LGR6: variants seen among roughly 807,000 people sequenced by gnomAD.
LGR6 encodes the protein leucine rich repeat containing G protein-coupled receptor 6.
In LGR6, 45 loss-of-function variants were observed where a neutral mutation model predicts 69.4. The observed-to-expected ratio is 0.65, with a 90% CI of 0.51 to 0.83. The LOEUF is 0.83. Ranked by LOEUF, LGR6 falls within the 40% of genes least tolerant of loss-of-function variation. The pLI is 0.00. For synonymous variants in LGR6, 538 were observed against 555.0 expected, an observed-to-expected ratio of 0.97 and a Z score of 0.43; for missense variants, 1,108 against 1,246.7, an observed-to-expected ratio of 0.89 and a Z score of 1.68.
intron 1 of LGR6, among the ~76,000 whole-genome samples, chr1:202,200,020 C>T (rs138753805): frequency 0.011 from 1,656 of 152,342 alleles, 38 homozygotes; most frequent in African/African-American, 0.038. Flanking sequence ...ATGGCAGAGT[C>T]TCATCTTCTG....
intron 15 of LGR6, 83 bp from the exon 16 acceptor site, chr1:202,310,114 G>A: frequency 1.4e-6 from 2 of 1,416,482 alleles, no homozygotes; most frequent in Non-Finnish European, 2.0e-6. Context: ...CCAGCCCCTG[G>A]GTTGCAGATC....
At chr1:202,297,676 T>C in intron 7 of LGR6, 100 bp downstream of exon 7, 1 of 914,184 alleles carries the variant, frequency 1.1e-6, no homozygotes, top group Non-Finnish European at 1.7e-6. Flanking sequence ...TCACCTCCCA[T>C]GGTCCTTATA....
chr1:202,260,508 A>AT (rs1156311931), intron 4 of LGR6, among the ~76,000 whole-genome samples: 1 of 152,008 alleles, frequency 6.6e-6, no homozygotes, highest in African/African-American at 2.4e-5. Context: ...TAATTTTTGT[A>AT]TTTTTAGTAG....
At chr1:202,214,037 G>C in intron 1 of LGR6, 3 of 1,347,186 alleles carry the variant, frequency 2.2e-6, no homozygotes, top group Non-Finnish European at 2.8e-6. Flanking sequence ...GGGCAGATGG[G>C]TGGGGCGCTA....
At chr1:202,277,305 T>G (rs1426801742) in intron 5 of LGR6, among the ~76,000 whole-genome samples, 1 of 152,194 alleles carries the variant, frequency 6.6e-6, no homozygotes, top group Non-Finnish European at 1.5e-5. Context: ...GAATGGATGA[T>G]ACCTAGTTCC....
chr1:202,318,401 G>T lies in LGR6; in HGVS notation c.2098G>T (p.Ala700Ser). 6.2e-7 allele frequency: 1 copy of T among 1,604,820 alleles called. No homozygotes were observed. The highest frequency in any genetic ancestry group is 1.3e-5 in the African/African-American group (1 of 74,996). Residue 700 changes from alanine to serine, a missense_variant, in exon 18 of 18, where the codon GCC becomes TCC. Ala to Ser is a moderately conservative substitution (Grantham distance 99). Transcript: ENST00000367278. Reference sequence around the variant, plus strand: ...AGGCTGCCTGGCACTGGCAGGGCTGGCCGCCGCGCTGCCCCTGGCCTCAGT... The same window carrying T: ...AGGCTGCCTGGCACTGGCAGGGCTGTCCGCCGCGCTGCCCCTGGCCTCAGT... ...VLGCLALAGLAAALPLASVGE... is the reference protein window; with the variant it reads ...VLGCLALAGLSAALPLASVGE...
rs1481029959 is a variant in LGR6 at position 202,193,954 on chromosome 1, C to G, written c.-36C>G. On this transcript the variant is annotated 5_prime_UTR_variant, in exon 1 of 18. Coordinates refer to ENST00000367278, the MANE Select transcript of LGR6 (RefSeq NM_001017403.2). ...CGGCCATCGCGCCGTGCGTCCGCGC[C>G]CGGCCGCCAGGTGCCCCAGTAGCCC... is the stretch of plus-strand genomic sequence containing the variant. The G allele has an allele frequency of 5.4e-5, 68 of 1,268,234 alleles. No individual in the cohort carries two copies. The highest frequency in any genetic ancestry group is 6.7e-5 in the Non-Finnish European group (67 of 1,000,448). 78.6% of individuals were successfully genotyped at this position (1,268,234 alleles called of 1,614,324 possible).
At chr1:202,200,940 C>T (rs967171820) in intron 1 of LGR6, among the ~76,000 whole-genome samples, 4 of 152,198 alleles carry the variant, frequency 2.6e-5, no homozygotes, top group Admixed American at 2.0e-4. Context: ...GAGCTGGGCC[C>T]GGCTACTTAA....
intron 1 of LGR6, among the ~76,000 whole-genome samples, chr1:202,196,185 A>G (rs546121435): frequency 6.6e-6 from 1 of 152,114 alleles, no homozygotes; most frequent in African/African-American, 2.4e-5. Flanking sequence ...TATTGGAAGG[A>G]GGTGGCAGAG....
intron 10 of LGR6, among the ~76,000 whole-genome samples, chr1:202,304,278 G>A (rs1253881631): frequency 6.6e-6 from 1 of 152,152 alleles, no homozygotes; most frequent in Non-Finnish European, 1.5e-5. Flanking sequence ...CATGGGGTGG[G>A]GATGGGATGG....
chr1:202,278,485 G>A (rs973550804), intron 5 of LGR6, among the ~76,000 whole-genome samples: 3 of 152,246 alleles, frequency 2.0e-5, no homozygotes, highest in East Asian at 1.9e-4. Context: ...CTACTGGTGC[G>A]GGAGCAAAGC....
At chr1:202,229,356 C>G (rs1281597853) in intron 3 of LGR6, among the ~76,000 whole-genome samples, 1 of 152,216 alleles carries the variant, frequency 6.6e-6, no homozygotes, top group Admixed American at 6.5e-5. Context: ...TTCCTGTCTC[C>G]TCTCTGTGTC....
chr1:202,297,612 T>C, intron 7 of LGR6, 36 bp downstream of exon 7: 1 of 1,579,300 alleles, frequency 6.3e-7, no homozygotes, highest in South Asian at 1.1e-5. Flanking sequence ...GGTGTCCTTC[T>C]GTCCCAAGGG....
intron 1 of LGR6, chr1:202,214,317 G>T: frequency 2.2e-6 from 3 of 1,366,176 alleles, no homozygotes; most frequent in South Asian, 1.5e-5. Context: ...CCCAGAAACC[G>T]ACGCGACGGG....
At chr1:202,315,613 G>GA (rs35232811) in intron 17 of LGR6, among the ~76,000 whole-genome samples, 86,106 of 152,090 alleles carry the variant, frequency 0.57, 25,666 homozygotes, top group East Asian at 0.75. Context: ...AGAATGAACA[G>GA]AAGTGATGAA....
intron 4 of LGR6, among the ~76,000 whole-genome samples, chr1:202,251,501 G>T (rs1012104837): frequency 2.0e-5 from 3 of 152,190 alleles, no homozygotes; most frequent in Admixed American, 6.5e-5. Context: ...GTTGGGGTAT[G>T]GGGGGCAGGA....
intron 1 of LGR6, among the ~76,000 whole-genome samples, chr1:202,195,199 C>G (rs1416837725): frequency 2.6e-5 from 4 of 152,186 alleles, no homozygotes; most frequent in Non-Finnish European, 5.9e-5. Flanking sequence ...CTGCTGAGGG[C>G]TAGGATCCCA....
chr1:202,249,813 G>A (rs1174541629), intron 4 of LGR6, among the ~76,000 whole-genome samples: 2 of 152,038 alleles, frequency 1.3e-5, no homozygotes, highest in Non-Finnish European at 2.9e-5. Context: ...TCACTTGCCT[G>A]GGCTGCTGTA....
At chr1:202,309,237 G>C in intron 15 of LGR6, 61 bp downstream of exon 15, 1 of 1,591,428 alleles carries the variant, frequency 6.3e-7, no homozygotes, top group Non-Finnish European at 8.6e-7. Context: ...GAGGGACAGA[G>C]AGAAAGCCAG....
Sources: gnomAD v4.1 joint callset for allele counts (sites outside exome capture counted in the v4.1 genomes callset) on GRCh38, gnomAD v4.1.1 for gene constraint, MANE v1.5 for transcripts, NCBI Gene and HGNC (gene_info 2026-07-23, HGNC 2026-07-21) for gene names.